The following C7 variants were observed in gnomAD, a reference collection of about 807,000 sequenced individuals.
C7 encodes the protein complement component C7.
C7 carries 83 observed loss-of-function variants against 104.8 expected under a neutral mutation model. The ratio of observed to expected loss-of-function variants is 0.79; its 90% confidence interval spans 0.66 to 0.95. C7 has a LOEUF of 0.95. Among genes scored for constraint, C7 ranks in the 40% least tolerant of loss-of-function variants. The probability of loss-of-function intolerance (pLI) is 0.00; values close to 1 mark genes in which losing one functional copy is unlikely to be tolerated. For synonymous variants in C7, 415 were observed against 360.6 expected, an observed-to-expected ratio of 1.15 and a Z score of -1.71; for missense variants, 1,070 against 1,011.2, an observed-to-expected ratio of 1.06 and a Z score of -0.79.
At chr5:40,966,999 G>A (rs1037526486) in intron 14 of C7, among the ~76,000 whole-genome samples, 1 of 151,678 alleles carries the variant, frequency 6.6e-6, no homozygotes, top group Non-Finnish European at 1.5e-5. Flanking sequence ...ACTTCTACTT[G>A]AAGGGCTTCT....
Position 40,937,680 on chromosome 5 carries a change from A to G in C7, c.557A>G (p.Tyr186Cys). ...AGGCTGAGTGGAAATGTCCTGTCCT[A>G]TACATTCCAGGTACTTACGACGTTA... ...FYRLSGNVLSYTFQVKINNDF... is the reference protein window; with the variant it reads ...FYRLSGNVLSCTFQVKINNDF... The change falls in exon 6 of 18, where the codon TAT becomes TGT. Residue 186 changes from tyrosine (Y) to cysteine (C), a missense_variant. Transcript: ENST00000313164. The G allele has an allele frequency of 5.7e-6, 9 of 1,585,888 alleles. No individual in the cohort carries two copies. Among genetic ancestry groups the G allele is most frequent in the Non-Finnish European group, 7.7e-6 (9 of 1,164,480 alleles).
chr5:40,957,466 T>A (rs969244383), intron 10 of C7, among the ~76,000 whole-genome samples: 2 of 152,078 alleles, frequency 1.3e-5, no homozygotes, highest in Non-Finnish European at 2.9e-5. Context: ...TTATTTTATT[T>A]TATTTTGAGA....
chr5:40,953,870 T>C (rs1179799253), intron 9 of C7, among the ~76,000 whole-genome samples: 1 of 150,660 alleles, frequency 6.6e-6, no homozygotes, highest in Non-Finnish European at 1.5e-5. Context: ...TGTACCATTA[T>C]TGTGTATAAA....
intron 16 of C7, among the ~76,000 whole-genome samples, chr5:40,979,037 G>A (rs1208628164): frequency 2.0e-5 from 3 of 151,478 alleles, no homozygotes; most frequent in South Asian, 2.1e-4. Flanking sequence ...GCGCCACCAC[G>A]CCCAGCTAAT....
chr5:40,943,379 G>A (rs1043425413), intron 6 of C7, among the ~76,000 whole-genome samples: 3 of 152,118 alleles, frequency 2.0e-5, no homozygotes, highest in Non-Finnish European at 4.4e-5. Flanking sequence ...GAGAATCCAG[G>A]ATCTAAGCTG....
At chr5:40,968,123 T>C (rs1005690554) in intron 14 of C7, among the ~76,000 whole-genome samples, 1 of 151,996 alleles carries the variant, frequency 6.6e-6, no homozygotes. Flanking sequence ...ATTCTAAATA[T>C]TTTCTTTTTC....
chr5:40,911,353 C>T (rs191140157), intron 1 of C7, among the ~76,000 whole-genome samples: 96 of 152,322 alleles, frequency 6.3e-4, no homozygotes, highest in African/African-American at 2.3e-3. Context: ...GAACTAAATT[C>T]AGAGAGACAG....
chr5:40,923,827 AG>A (rs1739494532), intron 1 of C7, among the ~76,000 whole-genome samples: 1 of 152,128 alleles, frequency 6.6e-6, no homozygotes, highest in Non-Finnish European at 1.5e-5. Context: ...CACTATTGCA[AG>A]GATGACACTG....
intron 4 of C7, 132 bp from the exon 5 acceptor site, chr5:40,936,204 CTG>C: frequency 3.0e-6 from 2 of 674,814 alleles, no homozygotes; most frequent in Non-Finnish European, 5.1e-6. Context: ...CCGAGACACT[CTG>C]AGGATTTATC....
At chr5:40,909,694 A>G in intron 1 of C7, 78 bp downstream of exon 1, 1 of 1,126,022 alleles carries the variant, frequency 8.9e-7, no homozygotes, top group Non-Finnish European at 1.3e-6. Context: ...TGTAATTTAA[A>G]CGAAGAGGTG....
chr5:40,936,571 C>G (rs1739822900), intron 5 of C7, 86 bp downstream of exon 5: 10 of 1,263,434 alleles, frequency 7.9e-6, no homozygotes, highest in Non-Finnish European at 8.8e-6. Context: ...AGTCTACGAA[C>G]AAGTCTTCTA....
intron 3 of C7, among the ~76,000 whole-genome samples, chr5:40,932,091 C>T (rs530232053): frequency 3.0e-4 from 46 of 152,246 alleles, no homozygotes; most frequent in African/African-American, 1.1e-3. Context: ...AATTATATAA[C>T]AGCATTTGGT....
chr5:40,939,040 C>T (rs1200420425), intron 6 of C7, among the ~76,000 whole-genome samples: 1 of 152,096 alleles, frequency 6.6e-6, no homozygotes, highest in Non-Finnish European at 1.5e-5. Flanking sequence ...TCCCTTTGTC[C>T]CCAAACTCCA....
chr5:40,951,284 A>G (rs1240299519), intron 9 of C7, among the ~76,000 whole-genome samples: 1 of 152,174 alleles, frequency 6.6e-6, no homozygotes, highest in Non-Finnish European at 1.5e-5. Flanking sequence ...TATCAGATGC[A>G]TAGTTTGCAA....
intron 16 of C7, among the ~76,000 whole-genome samples, chr5:40,977,929 T>C (rs1740853222): frequency 6.6e-6 from 1 of 150,734 alleles, no homozygotes; most frequent in South Asian, 2.1e-4. Flanking sequence ...AGCTCAGGAG[T>C]TCAAGACCAG....
At position 40,981,572 on chromosome 5, in the gene C7, A is replaced by G; in HGVS notation, c.2531A>G (p.Ter844TrpextTer18). 6.2e-7 allele frequency: 1 copy of G among 1,601,118 alleles called. No homozygotes were observed. The highest frequency in any genetic ancestry group is 8.5e-7 in the Non-Finnish European group (1 of 1,170,698). The change falls in exon 18 of 18, where the codon TAG becomes TGG. Residue 844 changes from the stop codon to tryptophan, a stop_lost. Coordinates refer to ENST00000313164, the MANE Select transcript of C7 (RefSeq NM_000587.4). ...AGGCCTTGTGCTGCGGAAACCCAGT[A>G]GGCTCCTGGAGGCCCTGGTCAGCTT... ...SIRPCAAETQ[*>W]
At chr5:40,974,594 A>G (rs537556369) in intron 15 of C7, among the ~76,000 whole-genome samples, 68 of 151,314 alleles carry the variant, frequency 4.5e-4, no homozygotes, top group Non-Finnish European at 8.4e-4. Flanking sequence ...TTTTTTTTGT[A>G]TTTTTAGCAG....
intron 11 of C7, among the ~76,000 whole-genome samples, chr5:40,958,774 G>A (rs1009320679): frequency 4.0e-4 from 61 of 152,160 alleles, no homozygotes; most frequent in Non-Finnish European, 2.9e-5. Context: ...GTCAAAGTAT[G>A]ACTACAATCT....
intron 1 of C7, among the ~76,000 whole-genome samples, chr5:40,914,125 A>G (rs1739268651): frequency 6.6e-6 from 1 of 152,154 alleles, no homozygotes; most frequent in South Asian, 2.1e-4. Flanking sequence ...CATCACATTC[A>G]GCCAGTTTTT....
Sources: gnomAD v4.1 joint callset for allele counts (sites outside exome capture counted in the v4.1 genomes callset) on GRCh38, gnomAD v4.1.1 for gene constraint, MANE v1.5 for transcripts, NCBI Gene and HGNC (gene_info 2026-07-23, HGNC 2026-07-21) for gene names.